Variants in CDS1 observed in about 807,000 individuals in gnomAD.
CDS1 encodes CDP-diacylglycerol synthase 1, also known as phosphatidate cytidylyltransferase 1.
A neutral mutation model predicts 62.1 loss-of-function variants in CDS1; 41 were observed. That is an observed-to-expected ratio of 0.66 (90% confidence interval 0.51 to 0.86). The LOEUF is 0.86. Among genes scored for constraint, CDS1 ranks in the 40% least tolerant of loss-of-function variants. The pLI, the probability that CDS1 is intolerant of heterozygous loss-of-function variation, is 0.00. For missense variants in CDS1, 470 were observed against 550.1 expected, an observed-to-expected ratio of 0.85 and a Z score of 1.46; for synonymous variants, 185 against 192.6, an observed-to-expected ratio of 0.96 and a Z score of 0.32.
At position 84,635,574 on chromosome 4, in the gene CDS1, T is replaced by TCTGCCTGC. The variant is rs1214957051; in HGVS notation, c.810+270_810+277dup. Among the ~76,000 whole-genome samples, 465 of 102,014 alleles carry TCTGCCTGC rather than the reference T, an allele frequency of 4.6e-3. 28 individuals are homozygous for TCTGCCTGC. Among genetic ancestry groups the TCTGCCTGC allele is most frequent in the East Asian group, 0.01 (30 of 2,940 alleles). 66.9% of individuals were successfully genotyped at this position (102,014 alleles called of 152,430 possible). A position where few individuals can be genotyped will look rare whatever the true frequency, so the allele number is the denominator to read the frequency against. The stretch of plus-strand genomic sequence containing the variant: ...CTCAGGAAGGGCATGACTCCATCAG[T>TCTGCCTGC]CTGCCTGCCTGCCTGCCTGCCTGCC... On this transcript the variant is annotated intron_variant, in intron 8 of 12. Coordinates refer to ENST00000295887, the MANE Select transcript of CDS1 (RefSeq NM_001263.4).
chr4:84,590,375 G>A (rs1418857213), intron 1 of CDS1, among the ~76,000 whole-genome samples: 2 of 152,234 alleles, frequency 1.3e-5, no homozygotes, highest in Non-Finnish European at 2.9e-5. Context: ...GCATGGTAAT[G>A]TAATAGTAAG....
At chr4:84,648,109 A>G (rs1310938803) in intron 12 of CDS1, among the ~76,000 whole-genome samples, 1 of 152,170 alleles carries the variant, frequency 6.6e-6, no homozygotes, top group Admixed American at 6.5e-5. Flanking sequence ...ATATTTTTCA[A>G]CAAAATACCT....
rs900597878 is a variant in CDS1 at position 84,650,580 on chromosome 4, C to T, written c.*1894C>T. ...AGAACTCCTTGAGATACACAGATCC[C>T]CCCACATTTGTATTTAAAATAATTG... On this transcript the variant is annotated 3_prime_UTR_variant, in exon 13 of 13. Transcript: ENST00000295887. 2 of 152,044 alleles carry T rather than the reference C, an allele frequency of 1.3e-5. No individual in the cohort carries two copies. The highest frequency in any genetic ancestry group is 6.6e-5 in the Admixed American group (1 of 15,262). 9.4% of individuals were successfully genotyped at this position (152,044 alleles called of 1,614,324 possible).
rs745978834 is a variant in CDS1 at position 84,633,876 on chromosome 4, C to G, written c.659C>G (p.Thr220Ser). 1 of 1,602,018 alleles carries G rather than the reference C, an allele frequency of 6.2e-7. No individual in the cohort carries two copies. Among genetic ancestry groups the G allele is most frequent in the Non-Finnish European group, 8.5e-7 (1 of 1,173,452 alleles). Residue 220 changes from threonine (T) to serine (S), a missense_variant, in exon 7 of 13, where the codon ACT becomes AGT. By Grantham distance (58) the Thr-to-Ser change is moderately conservative. This residue lies in a region of CDS1 where 214 missense variants were observed against 242.4 expected (regional missense o/e 0.88). Transcript: ENST00000295887. ...QFYMFAWTHV[T>S]LLITVTQSHL... ...TAACAGTTCGCATGGACTCATGTCA[C>G]TTTACTGATAACTGTCACTCAGTCA... is the stretch of plus-strand genomic sequence containing the variant.
At chr4:84,639,524 T>A (rs1167585926) in intron 9 of CDS1, among the ~76,000 whole-genome samples, 1 of 152,228 alleles carries the variant, frequency 6.6e-6, no homozygotes, top group African/African-American at 2.4e-5. Context: ...TAGCTATTTT[T>A]CATGTTTTAC....
chr4:84,649,331 A>G lies in CDS1; in HGVS notation c.*645A>G, dbSNP rs1724645186. On this transcript the variant is annotated 3_prime_UTR_variant, in exon 13 of 13. Transcript: ENST00000295887. ...TGGTTTGTTAGAAAGAGCAGGCATC[A>G]GACTACTTCTGATAAAATTGTTTGG... 1 of 152,418 alleles carries G rather than the reference A, an allele frequency of 6.6e-6. No homozygotes were observed. Among genetic ancestry groups the G allele is most frequent in the Non-Finnish European group, 1.5e-5 (1 of 68,066 alleles). 9.4% of individuals were successfully genotyped at this position (152,418 alleles called of 1,614,324 possible).
intron 1 of CDS1, among the ~76,000 whole-genome samples, chr4:84,591,811 A>G (rs896056700): frequency 1.3e-5 from 2 of 152,216 alleles, no homozygotes; most frequent in African/African-American, 2.4e-5. Context: ...TCCTAAATGT[A>G]TAAAATCAAT....
chr4:84,637,154 G>A (rs996124172), intron 8 of CDS1, among the ~76,000 whole-genome samples: 1 of 152,184 alleles, frequency 6.6e-6, no homozygotes, highest in Non-Finnish European at 1.5e-5. Flanking sequence ...GGGCTGAGCT[G>A]TATAAGGATA....
At position 84,633,931 on chromosome 4, in the gene CDS1, C is replaced by T; in HGVS notation, c.714C>T (p.Gly238=). 1 of 1,596,238 alleles carries T rather than the reference C, an allele frequency of 6.3e-7. No individual in the cohort carries two copies. Among genetic ancestry groups the T allele is most frequent in the East Asian group, 2.3e-5 (1 of 44,308 alleles). ...TTGTCATCCAAAATCTGTTTGAAGG[C>T]ATGATATGGTAAGGCAACAGAATTA... ...SHLVIQNLFE[G]MIWFLVPISS... The change falls in exon 7 of 13, where the codon GGC becomes GGT. Residue 238 remains glycine, a synonymous_variant. Transcript: ENST00000295887.
At chr4:84,633,584 T>C (rs976604661) in intron 6 of CDS1, among the ~76,000 whole-genome samples, 1 of 152,226 alleles carries the variant, frequency 6.6e-6, no homozygotes, top group African/African-American at 2.4e-5. Context: ...TAATGGTTTA[T>C]TTTTTATATG....
intron 3 of CDS1, among the ~76,000 whole-genome samples, chr4:84,616,061 A>G (rs1723483048): frequency 6.6e-6 from 1 of 152,214 alleles, no homozygotes; most frequent in African/African-American, 2.4e-5. Context: ...CAGTGGATGT[A>G]CCCTAGCAAA....
At chr4:84,633,071 C>T (rs1251695510) in intron 6 of CDS1, among the ~76,000 whole-genome samples, 3 of 152,212 alleles carry the variant, frequency 2.0e-5, no homozygotes, top group Non-Finnish European at 4.4e-5. Context: ...CTGCAGTGAG[C>T]TGTGATCACA....
At chr4:84,587,698 A>G (rs1185104845) in intron 1 of CDS1, among the ~76,000 whole-genome samples, 1 of 152,166 alleles carries the variant, frequency 6.6e-6, no homozygotes, top group East Asian at 1.9e-4. Flanking sequence ...AACTGACAAC[A>G]GGTAGATTAA....
intron 4 of CDS1, among the ~76,000 whole-genome samples, chr4:84,618,106 A>G (rs989205523): frequency 6.6e-6 from 1 of 152,210 alleles, no homozygotes; most frequent in Non-Finnish European, 1.5e-5. Context: ...CCATAATGAT[A>G]TTAACATTTA....
At chr4:84,645,769 T>C (rs1043350254) in intron 12 of CDS1, among the ~76,000 whole-genome samples, 2 of 152,092 alleles carry the variant, frequency 1.3e-5, no homozygotes, top group African/African-American at 4.8e-5. Context: ...TCTGCCCCCA[T>C]AGCTACTTGT....
At chr4:84,626,805 CTA>C (rs780027379) in intron 5 of CDS1, among the ~76,000 whole-genome samples, 1 of 152,176 alleles carries the variant, frequency 6.6e-6, no homozygotes, top group Non-Finnish European at 1.5e-5. Flanking sequence ...GAGGGTCCGA[CTA>C]TGTATTTGTT....
At position 84,649,005 on chromosome 4, in the gene CDS1, A is replaced by G. The variant is rs929448823; in HGVS notation, c.*319A>G. ...AGAGTCAAACACTATAAAATGAGTA[A>G]GTTGACGATGTTTTAAGATTGCACC... On this transcript the variant is annotated 3_prime_UTR_variant, in exon 13 of 13. Coordinates refer to ENST00000295887, the MANE Select transcript of CDS1 (RefSeq NM_001263.4). The G allele has an allele frequency of 1.1e-5, 2 of 184,088 alleles. No homozygotes were observed. Among genetic ancestry groups the G allele is most frequent in the African/African-American group, 4.7e-5 (2 of 42,556 alleles). The allele number at this position is 184,088 out of a possible 1,614,324, so 11.4% of individuals were successfully genotyped here.
At chr4:84,647,635 G>A (rs1724595643) in intron 12 of CDS1, among the ~76,000 whole-genome samples, 1 of 152,166 alleles carries the variant, frequency 6.6e-6, no homozygotes, top group Non-Finnish European at 1.5e-5. Context: ...CCTGACCTGA[G>A]TGTGAAAGTT....
intron 1 of CDS1, among the ~76,000 whole-genome samples, chr4:84,597,025 GTGGA>G (rs1339613263): frequency 6.6e-6 from 1 of 152,178 alleles, no homozygotes; most frequent in Non-Finnish European, 1.5e-5. Context: ...GAGGAGGTAG[GTGGA>G]TGATGTAATC....
Sources: allele counts gnomAD v4.1 joint callset (sites outside exome capture counted in the v4.1 genomes callset), GRCh38; gene constraint gnomAD v4.1.1; regional missense constraint gnomAD v4.1.1; transcripts MANE v1.5; gene names NCBI Gene and HGNC (gene_info 2026-07-23, HGNC 2026-07-21).